CSMD1: variants seen among roughly 807,000 people sequenced by gnomAD.
The protein encoded by CSMD1 is CUB and sushi domain-containing protein 1.
In CSMD1, 213 loss-of-function variants were observed where a neutral mutation model predicts 417.5. The observed-to-expected ratio is 0.51, with a 90% CI of 0.46 to 0.57. The LOEUF is 0.57. CSMD1 is among the 20% of genes least tolerant of loss of function. CSMD1 has a pLI of 0.00. For missense variants in CSMD1, 6,923 were observed against 4,529.7 expected (o/e 1.53, Z -15.17); for synonymous variants, 2,862 against 1,736.8 (o/e 1.65, Z -16.11).
intron 3 of CSMD1, among the ~76,000 whole-genome samples, chr8:4,188,316 G>A (rs1278086895): frequency 6.6e-6 from 1 of 152,070 alleles, no homozygotes; most frequent in Non-Finnish European, 1.5e-5. Context: ...TCGCTCACGT[G>A]GTTTTCTGGA....
chr8:3,723,671 C>A (rs1458734963), intron 6 of CSMD1, among the ~76,000 whole-genome samples: 1 of 151,826 alleles, frequency 6.6e-6, no homozygotes, highest in African/African-American at 2.4e-5. Context: ...AACTTAAAGA[C>A]TTTTTTTGGT....
intron 7 of CSMD1, among the ~76,000 whole-genome samples, chr8:3,704,043 C>A (rs1563290443): frequency 6.6e-6 from 1 of 152,136 alleles, no homozygotes; most frequent in Non-Finnish European, 1.5e-5. Context: ...TGCACTCCAA[C>A]CTGGGTGTCA....
rs182771178 is a variant in CSMD1 at position 3,711,966 on chromosome 8, G to T, written c.932-3475C>A. Among the ~76,000 whole-genome samples, 57 of 152,268 alleles carry T rather than the reference G, an allele frequency of 3.7e-4. 1 individual carries two copies. The East Asian group carries it at 8.7e-3, about 23-fold the overall frequency. ...GAGTAGTCTCTCAGGGACGATCAAGGTATGCGAATAGACAGGACCTATCTG... is the reference window on the plus strand; with the variant it reads ...GAGTAGTCTCTCAGGGACGATCAAGTTATGCGAATAGACAGGACCTATCTG... On this transcript the variant is annotated intron_variant, in intron 6 of 69. Coordinates refer to ENST00000635120, the MANE Select transcript of CSMD1 (RefSeq NM_033225.6).
At chr8:4,424,071 A>G (rs1300480107) in intron 2 of CSMD1, among the ~76,000 whole-genome samples, 3 of 152,056 alleles carry the variant, frequency 2.0e-5, no homozygotes, top group Non-Finnish European at 4.4e-5. Flanking sequence ...TATAAATGTA[A>G]AATGTAAAGC....
chr8:3,395,076 A>G (rs894878000), intron 17 of CSMD1, among the ~76,000 whole-genome samples: 1 of 152,156 alleles, frequency 6.6e-6, no homozygotes, highest in East Asian at 1.9e-4. Flanking sequence ...AACAAGAGTA[A>G]TAGGAGGTGA....
intron 5 of CSMD1, among the ~76,000 whole-genome samples, chr8:3,946,102 C>T (rs1189846901): frequency 2.6e-5 from 4 of 152,138 alleles, no homozygotes; most frequent in African/African-American, 9.7e-5. Flanking sequence ...GACTTTATCG[C>T]TTGCACCTTG....
chr8:4,862,200 G>A (rs990893857), intron 1 of CSMD1, among the ~76,000 whole-genome samples: 1 of 152,020 alleles, frequency 6.6e-6, no homozygotes, highest in South Asian at 2.1e-4. Flanking sequence ...GAACCTCAAC[G>A]AGGCCTGGGG....
intron 2 of CSMD1, among the ~76,000 whole-genome samples, chr8:4,595,204 C>A (rs2724978): frequency 6.6e-6 from 1 of 151,954 alleles, no homozygotes; most frequent in Non-Finnish European, 1.5e-5. Flanking sequence ...AAAATGTAGA[C>A]ACGTAGGAAC....
intron 1 of CSMD1, among the ~76,000 whole-genome samples, chr8:4,806,397 C>G (rs891695271): frequency 6.6e-6 from 1 of 152,104 alleles, no homozygotes; most frequent in African/African-American, 2.4e-5. Flanking sequence ...GTGGATGAAG[C>G]AAAGTTCTTT....
chr8:3,565,958 C>T (rs1365725718), intron 10 of CSMD1, among the ~76,000 whole-genome samples: 1 of 152,174 alleles, frequency 6.6e-6, no homozygotes. Flanking sequence ...CCAACGTATA[C>T]GCATTCTCAT....
At chr8:3,362,257 T>G (rs540872444) in intron 20 of CSMD1, among the ~76,000 whole-genome samples, 1 of 152,302 alleles carries the variant, frequency 6.6e-6, no homozygotes, top group South Asian at 2.1e-4. Flanking sequence ...TTTCAAAGTG[T>G]TGGGTGTACC....
At chr8:4,303,758 C>G (rs554758546) in intron 3 of CSMD1, among the ~76,000 whole-genome samples, 3 of 151,982 alleles carry the variant, frequency 2.0e-5, no homozygotes, top group African/African-American at 4.8e-5. Context: ...TGGTTTCAAG[C>G]GATTCTCCTG....
At chr8:4,952,267 T>C (rs1028907098) in intron 1 of CSMD1, among the ~76,000 whole-genome samples, 2 of 151,988 alleles carry the variant, frequency 1.3e-5, no homozygotes. Flanking sequence ...TAAACTATTA[T>C]AGATAATAAA....
intron 50 of CSMD1, among the ~76,000 whole-genome samples, chr8:3,037,642 G>C (rs949429532): frequency 2.0e-5 from 3 of 152,150 alleles, no homozygotes; most frequent in African/African-American, 4.8e-5. Context: ...CGGACGGTAA[G>C]AGGATATGGG....
chr8:3,933,033 A>T (rs910610487), intron 5 of CSMD1, among the ~76,000 whole-genome samples: 6 of 9,330 alleles, frequency 6.4e-4, no homozygotes, highest in East Asian at 1.7e-3. Context: ...ATGTATGATA[A>T]AAAAAAAAAA....
intron 50 of CSMD1, among the ~76,000 whole-genome samples, chr8:3,041,880 A>G (rs1312706244): frequency 1.3e-5 from 2 of 152,192 alleles, no homozygotes; most frequent in African/African-American, 2.4e-5. Flanking sequence ...AGTACAGTAC[A>G]ATCACGCAAA....
chr8:4,323,862 G>C (rs914202240), intron 3 of CSMD1, among the ~76,000 whole-genome samples: 1 of 152,094 alleles, frequency 6.6e-6, no homozygotes, highest in Non-Finnish European at 1.5e-5. Context: ...TTTAGCTTAA[G>C]GCAACTTCTA....
chr8:3,419,780 T>A (rs1345201585), intron 12 of CSMD1, among the ~76,000 whole-genome samples: 1 of 152,226 alleles, frequency 6.6e-6, no homozygotes, highest in African/African-American at 2.4e-5. Context: ...GAAATAATCT[T>A]CATCAATACA....
At chr8:3,532,808 T>G (rs1445905446) in intron 10 of CSMD1, among the ~76,000 whole-genome samples, 1 of 152,214 alleles carries the variant, frequency 6.6e-6, no homozygotes, top group Non-Finnish European at 1.5e-5. Context: ...AATCTATATC[T>G]GATTCACATT....
Sources: allele counts gnomAD v4.1 joint callset (sites outside exome capture counted in the v4.1 genomes callset), GRCh38; gene constraint gnomAD v4.1.1; transcripts MANE v1.5; gene names NCBI Gene and HGNC (gene_info 2026-07-23, HGNC 2026-07-21).